Variants in LRBA observed in about 807,000 individuals in gnomAD.
The protein encoded by LRBA is LPS responsive beige-like anchor protein.
LRBA carries 176 observed loss-of-function variants against 330.0 expected under a neutral mutation model. The ratio of observed to expected loss-of-function variants is 0.53; its 90% CI spans 0.47 to 0.60. LRBA has a LOEUF of 0.60. Among genes scored for constraint, LRBA ranks in the 20% least tolerant of loss-of-function variants. The pLI is 0.00. For missense variants in LRBA, 3,259 were observed against 3,444.8 expected, an observed-to-expected ratio of 0.95 and a Z score of 1.35; for synonymous variants, 1,230 against 1,193.0, an observed-to-expected ratio of 1.03 and a Z score of -0.64.
At chr4:150,672,701 A>G (rs1383213724) in intron 37 of LRBA, among the ~76,000 whole-genome samples, 1 of 152,120 alleles carries the variant, frequency 6.6e-6, no homozygotes, top group Non-Finnish European at 1.5e-5. Flanking sequence ...TTAGCATGAT[A>G]CCAGGGGAAG....
intron 34 of LRBA, among the ~76,000 whole-genome samples, chr4:150,780,477 TA>T (rs1215495881): frequency 1.3e-5 from 2 of 151,906 alleles, no homozygotes; most frequent in African/African-American, 4.8e-5. Flanking sequence ...AGTCACAACC[TA>T]AAGCCAGTCA....
At chr4:150,434,564 T>C (rs1234933712) in intron 46 of LRBA, among the ~76,000 whole-genome samples, 1 of 152,152 alleles carries the variant, frequency 6.6e-6, no homozygotes, top group Non-Finnish European at 1.5e-5. Context: ...TTCACTGAGT[T>C]TGGAATTCCA....
Position 150,852,128 on chromosome 4 carries a change from A to G in LRBA, c.3582T>C (p.Thr1194=), listed in dbSNP as rs781238643. 21 of 1,614,102 alleles carry G rather than the reference A, an allele frequency of 1.3e-5. No individual in the cohort carries two copies. Among genetic ancestry groups the G allele is most frequent in the Non-Finnish European group, 1.8e-5 (21 of 1,179,954 alleles). ...ASGSSAMSPE[T]TVSQIAVESD... is the part of the protein sequence containing the mutation. The stretch of plus-strand genomic sequence containing the variant: ...ATTCTACAGCTATTTGGGAAACAGT[A>G]GTTTCTGGTGACATAGCTGAAGACC... Residue 1194 remains threonine, a synonymous_variant, in exon 23 of 57, where the codon ACT becomes ACC. Transcript: ENST00000651943.
intron 48 of LRBA, among the ~76,000 whole-genome samples, chr4:150,349,411 T>C (rs975469075): frequency 6.6e-6 from 1 of 152,168 alleles, no homozygotes; most frequent in South Asian, 2.1e-4. Context: ...AGATTAGAAA[T>C]ACTAAAAAAA....
Position 150,490,970 on chromosome 4 carries a change from A to G in LRBA, c.6396T>C (p.Ser2132=), listed in dbSNP as rs148229728. 82 of 1,610,424 alleles carry G rather than the reference A, an allele frequency of 5.1e-5. No homozygotes were observed. Among genetic ancestry groups the G allele is most frequent in the Non-Finnish European group, 6.4e-5 (75 of 1,177,664 alleles). Residue 2132 remains serine (S), a synonymous_variant, in exon 41 of 57, where the codon TCT becomes TCC. Transcript: ENST00000651943. Reference sequence around the variant, plus strand: ...CTGTATTTTGCAAAAGATAACGACGAGAAAAGATTGATCGTATCTCTGTGA... The same window carrying G: ...CTGTATTTTGCAAAAGATAACGACGGGAAAAGATTGATCGTATCTCTGTGA... ...WLFTEIRSIF[S]RRYLLQNTAL...
intron 53 of LRBA, among the ~76,000 whole-genome samples, chr4:150,297,412 A>G (rs1188867978): frequency 6.6e-6 from 1 of 152,226 alleles, no homozygotes; most frequent in African/African-American, 2.4e-5. Context: ...CTTCTGGAGA[A>G]TTTCATAGAC....
At chr4:150,797,991 A>C (rs905709770) in intron 34 of LRBA, 90 bp downstream of exon 34, 1 of 820,666 alleles carries the variant, frequency 1.2e-6, no homozygotes. Flanking sequence ...ATTATACCAA[A>C]AATTTCAGTA....
intron 40 of LRBA, among the ~76,000 whole-genome samples, chr4:150,571,649 G>GTTTTTTTTTTTTTTTTTTTTTTT (rs58652637): frequency 1.3e-5 from 1 of 74,592 alleles, no homozygotes; most frequent in Non-Finnish European, 2.5e-5. Context: ...CTGGTTAGTT[G>GTTTTTTTTTTTTTTTTTTTTTTT]TTTTTTTTTT....
intron 37 of LRBA, among the ~76,000 whole-genome samples, chr4:150,608,784 A>T (rs1400666186): frequency 6.6e-6 from 1 of 152,184 alleles, no homozygotes; most frequent in Non-Finnish European, 1.5e-5. Context: ...GCCCCTGGCA[A>T]TGATGAGCCT....
At chr4:150,554,594 C>A (rs1767049126) in intron 40 of LRBA, among the ~76,000 whole-genome samples, 1 of 152,044 alleles carries the variant, frequency 6.6e-6, no homozygotes, top group Admixed American at 6.6e-5. Flanking sequence ...AATAAAGAAT[C>A]AATCACAACT....
At chr4:150,904,236 T>TG (rs1731066887) in intron 13 of LRBA, among the ~76,000 whole-genome samples, 1 of 152,166 alleles carries the variant, frequency 6.6e-6, no homozygotes, top group Non-Finnish European at 1.5e-5. Flanking sequence ...TAAACCTAAT[T>TG]TTGTATGCAT....
At chr4:150,879,379 G>C (rs1560953327) in intron 17 of LRBA, among the ~76,000 whole-genome samples, 1 of 152,068 alleles carries the variant, frequency 6.6e-6, no homozygotes, top group African/African-American at 2.4e-5. Flanking sequence ...AAAATAATGA[G>C]AGCCATCTAG....
chr4:150,610,241 AT>A (rs1317568455), intron 37 of LRBA, among the ~76,000 whole-genome samples: 28 of 152,216 alleles, frequency 1.8e-4, no homozygotes, highest in African/African-American at 6.5e-4. Context: ...GAACTGTGTG[AT>A]TTTTCCTATA....
At chr4:150,308,623 T>C (rs907720177) in intron 52 of LRBA, among the ~76,000 whole-genome samples, 1 of 152,182 alleles carries the variant, frequency 6.6e-6, no homozygotes, top group African/African-American at 2.4e-5. Context: ...TGCGTGTTCT[T>C]GCCCCTGAAG....
At chr4:150,496,716 AT>A (rs1320848265) in intron 40 of LRBA, among the ~76,000 whole-genome samples, 5 of 152,106 alleles carry the variant, frequency 3.3e-5, no homozygotes, top group Non-Finnish European at 7.4e-5. Context: ...TAGTAATTTT[AT>A]TTTTTCAGAC....
chr4:150,576,905 C>T (rs1023514902), intron 40 of LRBA, among the ~76,000 whole-genome samples: 1 of 151,748 alleles, frequency 6.6e-6, no homozygotes, highest in Non-Finnish European at 1.5e-5. Context: ...GAGAACAATA[C>T]CCTTGGGTTA....
At chr4:150,734,320 T>A (rs1262586245) in intron 36 of LRBA, among the ~76,000 whole-genome samples, 2 of 152,092 alleles carry the variant, frequency 1.3e-5, no homozygotes, top group Non-Finnish European at 2.9e-5. Flanking sequence ...CATCATACTA[T>A]ATAATTCATT....
intron 37 of LRBA, among the ~76,000 whole-genome samples, chr4:150,673,342 A>G (rs1389221523): frequency 6.6e-6 from 1 of 152,188 alleles, no homozygotes; most frequent in Non-Finnish European, 1.5e-5. Flanking sequence ...ATATTTGGTG[A>G]AAAAAGATAA....
intron 36 of LRBA, among the ~76,000 whole-genome samples, chr4:150,695,325 GT>G (rs1316391325): frequency 6.6e-6 from 1 of 152,020 alleles, no homozygotes; most frequent in Non-Finnish European, 1.5e-5. Context: ...CAAATTTTTT[GT>G]TTTGTTTTGT....
Sources: gnomAD v4.1 joint callset for allele counts (sites outside exome capture counted in the v4.1 genomes callset) on GRCh38, gnomAD v4.1.1 for gene constraint, MANE v1.5 for transcripts, NCBI Gene and HGNC (gene_info 2026-07-23, HGNC 2026-07-21) for gene names.